Variants in DPF3 observed in about 807,000 individuals in gnomAD.
DPF3 encodes double PHD fingers 3.
Under a neutral mutation model 56.8 loss-of-function variants are expected in DPF3, and 18 were observed. The observed-to-expected ratio is 0.32, with a 90% CI of 0.22 to 0.47. The LOEUF is 0.47. Ranked by LOEUF, DPF3 falls within the 20% of genes least tolerant of loss-of-function variation. The pLI is 1.00. For synonymous variants in DPF3, 188 were observed against 180.2 expected, an observed-to-expected ratio of 1.04 and a Z score of -0.35; for missense variants, 403 against 488.8, an observed-to-expected ratio of 0.82 and a Z score of 1.65.
intron 2 of DPF3, among the ~76,000 whole-genome samples, chr14:72,766,330 G>A (rs964793617): frequency 2.6e-5 from 4 of 152,210 alleles, no homozygotes; most frequent in Non-Finnish European, 4.4e-5. Flanking sequence ...ATAACTGAAA[G>A]ATGAAGGGAA....
chr14:72,776,988 T>C (rs953608338), intron 1 of DPF3, among the ~76,000 whole-genome samples: 1 of 152,152 alleles, frequency 6.6e-6, no homozygotes, highest in East Asian at 1.9e-4. Flanking sequence ...AAGTCGTCCT[T>C]TCTCTCCACT....
intron 5 of DPF3, among the ~76,000 whole-genome samples, chr14:72,721,730 T>C (rs1247854289): frequency 6.6e-6 from 1 of 152,044 alleles, no homozygotes; most frequent in African/African-American, 2.4e-5. Context: ...CAAGAAATGT[T>C]TGTACACACA....
chr14:72,689,955 T>G (rs754988479), intron 7 of DPF3, among the ~76,000 whole-genome samples: 9 of 152,174 alleles, frequency 5.9e-5, no homozygotes, highest in Non-Finnish European at 1.3e-4. Flanking sequence ...TGGAACCTTC[T>G]TCGTGTGGGG....
At chr14:72,870,125 C>T (rs1332307371) in intron 1 of DPF3, among the ~76,000 whole-genome samples, 2 of 152,092 alleles carry the variant, frequency 1.3e-5, no homozygotes, top group Admixed American at 6.5e-5. Flanking sequence ...TTTGGAATGC[C>T]AGCTTGTCAA....
intron 1 of DPF3, among the ~76,000 whole-genome samples, chr14:72,803,661 T>C (rs958786197): frequency 5.9e-5 from 9 of 152,238 alleles, no homozygotes; most frequent in African/African-American, 2.2e-4. Context: ...GAATGCTGTC[T>C]TTTGTTTTCC....
chr14:72,861,573 T>C (rs1270991264), intron 1 of DPF3, among the ~76,000 whole-genome samples: 1 of 152,242 alleles, frequency 6.6e-6, no homozygotes, highest in East Asian at 1.9e-4. Context: ...TGACCTCCTA[T>C]GTGAGTGCTT....
At chr14:72,692,888 C>A (rs1420928042) in intron 7 of DPF3, among the ~76,000 whole-genome samples, 188 bp downstream of exon 7, 1 of 152,176 alleles carries the variant, frequency 6.6e-6, no homozygotes, top group East Asian at 1.9e-4. Context: ...TATTGCTAAG[C>A]CTAGGGTTGG....
At chr14:72,840,690 AG>A (rs1884510375) in intron 1 of DPF3, among the ~76,000 whole-genome samples, 2 of 152,260 alleles carry the variant, frequency 1.3e-5, no homozygotes, top group African/African-American at 4.8e-5. Context: ...CATGATATAA[AG>A]GTGTCAAAGC....
At chr14:72,834,525 C>T (rs1284284713) in intron 1 of DPF3, among the ~76,000 whole-genome samples, 2 of 146,350 alleles carry the variant, frequency 1.4e-5, no homozygotes, top group Non-Finnish European at 3.0e-5. Flanking sequence ...AATCAGATAC[C>T]ACTTCACACC....
At chr14:72,807,306 A>C (rs1168748063) in intron 1 of DPF3, among the ~76,000 whole-genome samples, 5 of 152,248 alleles carry the variant, frequency 3.3e-5, no homozygotes, top group African/African-American at 1.2e-4. Flanking sequence ...CCTATTTCTT[A>C]GGATTATTGT....
At chr14:72,665,571 A>C (rs1473870173) in intron 8 of DPF3, among the ~76,000 whole-genome samples, 2 of 152,250 alleles carry the variant, frequency 1.3e-5, no homozygotes, top group African/African-American at 4.8e-5. Flanking sequence ...GAAAAACAGC[A>C]TCCAAGCCTG....
At chr14:72,830,210 A>C (rs1883994778) in intron 1 of DPF3, among the ~76,000 whole-genome samples, 1 of 152,262 alleles carries the variant, frequency 6.6e-6, no homozygotes, top group African/African-American at 2.4e-5. Context: ...ATTAAATCAG[A>C]GTTCCTCAAC....
chr14:72,820,569 T>A (rs1883487279), intron 1 of DPF3, among the ~76,000 whole-genome samples: 2 of 152,298 alleles, frequency 1.3e-5, no homozygotes, highest in South Asian at 4.1e-4. Context: ...TGGAACACTA[T>A]TATATAAGCT....
chr14:72,769,289 G>C (rs1312228731), intron 2 of DPF3, among the ~76,000 whole-genome samples: 1 of 152,156 alleles, frequency 6.6e-6, no homozygotes, highest in Non-Finnish European at 1.5e-5. Flanking sequence ...GCTGATTTCA[G>C]TCCTGGAGAG....
intron 5 of DPF3, among the ~76,000 whole-genome samples, chr14:72,717,312 G>A (rs1015754826): frequency 1.1e-4 from 16 of 152,228 alleles, no homozygotes; most frequent in African/African-American, 3.9e-4. Context: ...CTAACTTTTA[G>A]TTTTCTCAAC....
chr14:72,720,223 T>C (rs1889108771), intron 5 of DPF3, among the ~76,000 whole-genome samples: 1 of 152,128 alleles, frequency 6.6e-6, no homozygotes, highest in Admixed American at 6.5e-5. Context: ...CTGGGTATGG[T>C]GGCTCATGCC....
chr14:72,736,114 G>C (rs766818942), intron 3 of DPF3, among the ~76,000 whole-genome samples: 8 of 152,192 alleles, frequency 5.3e-5, no homozygotes, highest in Non-Finnish European at 1.2e-4. Flanking sequence ...TAACTTACTA[G>C]TAGTCACATG....
intron 5 of DPF3, among the ~76,000 whole-genome samples, chr14:72,716,651 C>T (rs546643084): frequency 6.6e-6 from 1 of 152,258 alleles, no homozygotes; most frequent in South Asian, 2.1e-4. Flanking sequence ...TTTATTTTGG[C>T]CCCCACTAGT....
At chr14:72,870,790 C>T (rs145685086) in intron 1 of DPF3, among the ~76,000 whole-genome samples, 1 of 152,158 alleles carries the variant, frequency 6.6e-6, no homozygotes, top group African/African-American at 2.4e-5. Context: ...AAAAGGGTAA[C>T]GAGGCTGGGC....
Sources: allele counts gnomAD v4.1 joint callset (sites outside exome capture counted in the v4.1 genomes callset), GRCh38; gene constraint gnomAD v4.1.1; transcripts MANE v1.5; gene names NCBI Gene and HGNC (gene_info 2026-07-23, HGNC 2026-07-21).